Variants in PAX3 observed in about 807,000 individuals in gnomAD.
PAX3 encodes the protein paired box 3, also known as paired box protein Pax-3.
PAX3 carries 14 observed loss-of-function variants against 51.6 expected under a neutral mutation model. That is an observed-to-expected ratio of 0.27 (90% confidence interval 0.18 to 0.42). PAX3 has a LOEUF of 0.42. Among genes scored for constraint, PAX3 ranks in the 10% least tolerant of loss-of-function variants. PAX3 has a pLI of 1.00. For synonymous variants in PAX3, 280 were observed against 253.4 expected (o/e 1.11, Z -1.00); for missense variants, 540 against 642.8 (o/e 0.84, Z 1.73).
At chr2:222,270,871 T>G (rs1374427082) in intron 4 of PAX3, among the ~76,000 whole-genome samples, 1 of 152,242 alleles carries the variant, frequency 6.6e-6, no homozygotes, top group Non-Finnish European at 1.5e-5. Flanking sequence ...AGGTCCCTTA[T>G]GTCCTAGATA....
chr2:222,256,349 C>A (rs1034215115), intron 4 of PAX3, among the ~76,000 whole-genome samples: 3 of 152,104 alleles, frequency 2.0e-5, no homozygotes, highest in Admixed American at 1.3e-4. Flanking sequence ...CTGGACGACG[C>A]CTTGATAGGA....
At position 222,298,875 on chromosome 2, in the gene PAX3, T is replaced by G; in HGVS notation, c.-260A>C. ...AGGGCGGAAAAGTTTGGTACGAGTC[T>G]GGGCAAATGTTCCAGCGACTGGGGT... On this transcript the variant is annotated 5_prime_UTR_variant, in exon 1 of 9. Coordinates refer to ENST00000392070, the MANE Select transcript of PAX3 (RefSeq NM_181458.4). 4 of 558,846 alleles carry G rather than the reference T, an allele frequency of 7.2e-6. No individual in the cohort carries two copies. The highest frequency in any genetic ancestry group is 1.9e-5 in the African/African-American group (1 of 53,192). The allele number at this position is 558,846 out of a possible 1,614,324, so 34.6% of individuals were successfully genotyped here.
chr2:222,288,250 T>C (rs371465399), intron 4 of PAX3, among the ~76,000 whole-genome samples: 21 of 152,228 alleles, frequency 1.4e-4, no homozygotes, highest in Admixed American at 7.2e-4. Context: ...GTTACCTCAG[T>C]TTCTGATGAC....
chr2:222,293,540 T>G, intron 4 of PAX3: 1 of 1,322,448 alleles, frequency 7.6e-7, no homozygotes, highest in Non-Finnish European at 1.1e-6. Context: ...ATCCCTTCAA[T>G]TTGTAACCCA....
chr2:222,221,137 T>C, intron 6 of PAX3, 85 bp downstream of exon 6: 3 of 1,281,280 alleles, frequency 2.3e-6, no homozygotes, highest in South Asian at 1.2e-5. Flanking sequence ...GTGTCAGTAC[T>C]GCAGAAGGAT....
rs577587814 is a variant in PAX3 at position 222,250,389 on chromosome 2, TA to T, written c.587-18107del. ...CCAGCATGTATAATCTTTTTGTCCC[TA>T]AAAAATGATACTGCTAGTACCCTCC... On this transcript the variant is annotated intron_variant, in intron 4 of 8. Coordinates refer to ENST00000392070, the MANE Select transcript of PAX3 (RefSeq NM_181458.4). Among the ~76,000 whole-genome samples the T allele has an allele frequency of 5.3e-3, 811 of 152,188 alleles. 10 individuals are homozygous for T. Among genetic ancestry groups the T allele is most frequent in the African/African-American group, 0.018 (768 of 41,532 alleles).
intron 4 of PAX3, chr2:222,287,560 C>T (rs964228882): frequency 6.6e-6 from 1 of 152,190 alleles, no homozygotes; most frequent in Admixed American, 6.5e-5. Flanking sequence ...GTTACTTGAA[C>T]TCTGTATGTA....
At chr2:222,233,079 C>CAAAAAAAAAAA (rs71053063) in intron 4 of PAX3, 3 of 67,944 alleles carry the variant, frequency 4.4e-5, no homozygotes, top group African/African-American at 1.9e-4. Context: ...AAAGCCAATG[C>CAAAAAAAAAAA]AAAAAAAAAA....
At position 222,220,332 on chromosome 2, in the gene PAX3, G is replaced by A. The variant is rs374429328; in HGVS notation, c.981C>T (p.Thr327=). The A allele has an allele frequency of 2.1e-5, 34 of 1,613,866 alleles. No individual in the cohort carries two copies. The highest frequency in any genetic ancestry group is 2.6e-5 in the Non-Finnish European group (31 of 1,179,912). Reference sequence around the variant, plus strand: ...GAGGAAGCGGTTGAGGTCTGTGAACGGTGCTGCTGGGATCTGACACAGCTG... The same window carrying A: ...GAGGAAGCGGTTGAGGTCTGTGAACAGTGCTGCTGGGATCTGACACAGCTG... ...IPQAVSDPSS[T]VHRPQPLPPS... is the part of the protein sequence containing the mutation. Residue 327 remains threonine (T), a synonymous_variant, in exon 7 of 9, where the codon ACC becomes ACT. Transcript: ENST00000392070.
chr2:222,269,295 G>A (rs1694166232), intron 4 of PAX3, among the ~76,000 whole-genome samples: 1 of 152,096 alleles, frequency 6.6e-6, no homozygotes, highest in Non-Finnish European at 1.5e-5. Context: ...GTCCATCAGA[G>A]GCCCAGGTTC....
chr2:222,237,921 A>G (rs1692860829), intron 4 of PAX3, among the ~76,000 whole-genome samples: 1 of 152,234 alleles, frequency 6.6e-6, no homozygotes, highest in South Asian at 2.1e-4. Flanking sequence ...TTCTCAGGTT[A>G]TTCAGCAGAA....
intron 4 of PAX3, among the ~76,000 whole-genome samples, chr2:222,243,832 A>G (rs1190307668): frequency 6.6e-6 from 1 of 152,210 alleles, no homozygotes; most frequent in Non-Finnish European, 1.5e-5. Context: ...TGAAAGAGGT[A>G]ATAACTGAAC....
chr2:222,248,188 A>C (rs1693296925), intron 4 of PAX3, among the ~76,000 whole-genome samples: 1 of 152,228 alleles, frequency 6.6e-6, no homozygotes. Flanking sequence ...AAATATAGAA[A>C]ACTAGTAATT....
intron 7 of PAX3, among the ~76,000 whole-genome samples, chr2:222,207,601 T>G (rs949336157): frequency 6.6e-6 from 1 of 152,134 alleles, no homozygotes; most frequent in Admixed American, 6.6e-5. Flanking sequence ...TTGTAAAGAG[T>G]ACAGTAAGTA....
intron 7 of PAX3, among the ~76,000 whole-genome samples, chr2:222,213,241 A>G (rs193123608): frequency 1.3e-5 from 2 of 152,286 alleles, no homozygotes; most frequent in East Asian, 3.9e-4. Context: ...TCAAGAGGCT[A>G]TGACTGGAGC....
chr2:222,294,985 T>G (rs1338514705), intron 3 of PAX3, among the ~76,000 whole-genome samples: 2 of 151,986 alleles, frequency 1.3e-5, no homozygotes, highest in African/African-American at 4.8e-5. Flanking sequence ...GGAGTTTCCT[T>G]TTAATTAAAA....
intron 4 of PAX3, among the ~76,000 whole-genome samples, chr2:222,283,387 T>C (rs1053311546): frequency 2.0e-5 from 3 of 152,018 alleles, no homozygotes; most frequent in African/African-American, 7.2e-5. Flanking sequence ...TCTGGAAAAA[T>C]GGTCAAGATA....
At position 222,260,565 on chromosome 2, in the gene PAX3, GTTTTTTTTTTTTGT is replaced by G. The variant is rs1693811865; in HGVS notation, c.587-28296_587-28283del. Among the ~76,000 whole-genome samples the G allele has an allele frequency of 9.9e-3, 551 of 55,750 alleles. 29 individuals are homozygous for G. The highest frequency in any genetic ancestry group is 0.027 in the African/African-American group (441 of 16,342). The allele number at this position is 55,750 out of a possible 152,430, so 36.6% of individuals were successfully genotyped here. ...CAAGCAACACAAGTTTTTTTTTTTT[GTTTTTTTTTTTTGT>G]TTTTTTTTTTTGTTTTTTTTTTTTT... On this transcript the variant is annotated intron_variant, in intron 4 of 8. Coordinates refer to ENST00000392070, the MANE Select transcript of PAX3 (RefSeq NM_181458.4).
At chr2:222,215,984 G>T (rs546230426) in intron 7 of PAX3, among the ~76,000 whole-genome samples, 128 of 152,268 alleles carry the variant, frequency 8.4e-4, no homozygotes, top group Non-Finnish European at 1.7e-3. Context: ...GAGGTCATTA[G>T]CCTGTCTCCA....
Sources: gnomAD v4.1 joint callset for allele counts (sites outside exome capture counted in the v4.1 genomes callset) on GRCh38, gnomAD v4.1.1 for gene constraint, MANE v1.5 for transcripts, NCBI Gene and HGNC (gene_info 2026-07-23, HGNC 2026-07-21) for gene names.